Variants in FAM133A observed in about 807,000 individuals in gnomAD.
The protein encoded by FAM133A is protein FAM133A.
For missense variants in FAM133A, 159 were observed against 164.4 expected, an observed-to-expected ratio of 0.97 and a Z score of 0.18; for synonymous variants, 65 against 58.6, an observed-to-expected ratio of 1.11 and a Z score of -0.50.
chrX:93,698,931 A>G (rs1285762758), intron 3 of FAM133A, among the ~76,000 whole-genome samples: 1 of 111,320 alleles, frequency 9.0e-6, no homozygotes, highest in Non-Finnish European at 1.9e-5. Flanking sequence ...AAATGATTAC[A>G]CAAATAATTA....
intron 2 of FAM133A, among the ~76,000 whole-genome samples, chrX:93,679,915 ATTTTTTTTTTTTTTTTTT>A (rs376335726): frequency 1.1e-4 from 7 of 62,428 alleles, no homozygotes; most frequent in African/African-American, 1.7e-4. Context: ...CTCCTGGCAA[ATTTTTTTTTTTTTTTTTT>A]TTTTTTTTTT....
chrX:93,685,804 A>G (rs1322867359), intron 2 of FAM133A, among the ~76,000 whole-genome samples: 1 of 111,129 alleles, frequency 9.0e-6, no homozygotes, highest in South Asian at 3.8e-4. Flanking sequence ...CTTCCAGCCT[A>G]CATACTCTGA....
intron 2 of FAM133A, among the ~76,000 whole-genome samples, chrX:93,693,880 T>A (rs147972557): frequency 8.9e-6 from 1 of 111,873 alleles, no homozygotes; most frequent in Non-Finnish European, 1.9e-5. Context: ...ATTTCCACAG[T>A]GTAAAAGGTT....
intron 2 of FAM133A, among the ~76,000 whole-genome samples, chrX:93,676,454 T>G (rs764975390): frequency 9.0e-6 from 1 of 111,383 alleles, no homozygotes; most frequent in East Asian, 2.8e-4. Flanking sequence ...TATTCATATT[T>G]TTTTGCCACT....
chrX:93,677,867 A>C (rs953202944), intron 2 of FAM133A, among the ~76,000 whole-genome samples: 1 of 111,757 alleles, frequency 8.9e-6, no homozygotes, highest in Non-Finnish European at 1.9e-5. Context: ...GGCTGCTATG[A>C]TCATTGGTAT....
intron 3 of FAM133A, among the ~76,000 whole-genome samples, chrX:93,707,776 C>CCCAT (rs1268416233): frequency 1.8e-5 from 2 of 111,348 alleles, no homozygotes; most frequent in Admixed American, 9.6e-5. Flanking sequence ...CTCAGAGTTA[C>CCCAT]CCATCCATCC....
At chrX:93,688,379 T>C (rs1478366341) in intron 2 of FAM133A, among the ~76,000 whole-genome samples, 1 of 111,230 alleles carries the variant, frequency 9.0e-6, no homozygotes, top group Non-Finnish European at 1.9e-5. Context: ...GGTCCCCGAA[T>C]CACTGATTTT....
intron 2 of FAM133A, among the ~76,000 whole-genome samples, chrX:93,677,759 T>C (rs1284682323): frequency 8.9e-6 from 1 of 112,356 alleles, no homozygotes; most frequent in Non-Finnish European, 1.9e-5. Flanking sequence ...GGAGTTTATT[T>C]TTCCTGTTTA....
intron 2 of FAM133A, among the ~76,000 whole-genome samples, chrX:93,691,919 A>G (rs1388211639): frequency 9.0e-6 from 1 of 111,229 alleles, no homozygotes; most frequent in Non-Finnish European, 1.9e-5. Context: ...GAGCAGCTGT[A>G]GGCCACAGTT....
chrX:93,680,859 G>T (rs2147587746), intron 2 of FAM133A, among the ~76,000 whole-genome samples: 1 of 111,064 alleles, frequency 9.0e-6, no homozygotes. Context: ...CATATGTTTG[G>T]TTTGCAAATA....
At chrX:93,677,598 G>A (rs1429230749) in intron 2 of FAM133A, among the ~76,000 whole-genome samples, 1 of 111,326 alleles carries the variant, frequency 9.0e-6, no homozygotes, top group Non-Finnish European at 1.9e-5. Flanking sequence ...CCCTCCTCTT[G>A]TCCCTAGATA....
chrX:93,684,047 T>C (rs1199125789), intron 2 of FAM133A, among the ~76,000 whole-genome samples: 1 of 112,142 alleles, frequency 8.9e-6, no homozygotes, highest in Admixed American at 9.5e-5. Flanking sequence ...TTGCCTGTGT[T>C]TTTGAGGTCT....
At chrX:93,682,300 T>C (rs1457567616) in intron 2 of FAM133A, among the ~76,000 whole-genome samples, 2 of 112,340 alleles carry the variant, frequency 1.8e-5, no homozygotes, top group Non-Finnish European at 3.8e-5. Flanking sequence ...TAAACTTATC[T>C]TCTCCAGGAA....
intron 2 of FAM133A, among the ~76,000 whole-genome samples, chrX:93,678,558 C>G (rs970667808): frequency 9.0e-6 from 1 of 111,419 alleles, no homozygotes; most frequent in South Asian, 3.7e-4. Flanking sequence ...TTTGCTTAAC[C>G]CAAAGTCACA....
intron 2 of FAM133A, among the ~76,000 whole-genome samples, chrX:93,696,467 G>T (rs1926279075): frequency 9.0e-6 from 1 of 111,714 alleles, no homozygotes; most frequent in South Asian, 3.7e-4. Flanking sequence ...CCTTTCCAGT[G>T]TTCTTTCTCT....
chrX:93,695,634 C>CTTTTT (rs759503397), intron 2 of FAM133A, among the ~76,000 whole-genome samples: 62 of 48,370 alleles, frequency 1.3e-3, no homozygotes, highest in Non-Finnish European at 1.7e-3. Context: ...CAGGAATCTG[C>CTTTTT]TTTTTTTTTT....
At chrX:93,694,930 T>G (rs1186659177) in intron 2 of FAM133A, among the ~76,000 whole-genome samples, 1 of 112,103 alleles carries the variant, frequency 8.9e-6, no homozygotes, top group African/African-American at 3.2e-5. Context: ...GTTTATAATA[T>G]TTCCCAGTAT....
rs1178886914 is a variant in FAM133A, at chrX:93,711,202, G to A, written c.*1036G>A. The A allele has an allele frequency of 3.3e-5, 4 of 122,694 alleles. No individual in the cohort carries two copies. The highest frequency in any genetic ancestry group is 1.3e-4 in the African/African-American group (4 of 30,674). The allele number at this position is 122,694 out of a possible 1,213,427, so 10.1% of individuals were successfully genotyped here. A position where few individuals can be genotyped will look rare whatever the true frequency, so the allele number is the denominator to read the frequency against. ...TGAAAAGGTTTTTTTTAAAAAATAT[G>A]TAATGCCTTCATATTGAAGCTGGTT... On this transcript the variant is annotated 3_prime_UTR_variant, in exon 4 of 4. Transcript: ENST00000683942.
intron 3 of FAM133A, among the ~76,000 whole-genome samples, chrX:93,707,011 C>T (rs926272852): frequency 7.1e-5 from 8 of 112,072 alleles, no homozygotes; most frequent in African/African-American, 2.3e-4. Flanking sequence ...GGAGAGATTC[C>T]AACCACCTTA....
Sources: allele counts gnomAD v4.1 joint callset (sites outside exome capture counted in the v4.1 genomes callset), GRCh38; gene constraint gnomAD v4.1.1; transcripts MANE v1.5; gene names NCBI Gene and HGNC (gene_info 2026-07-23, HGNC 2026-07-21).